Variants in PPP1R12B observed in about 807,000 individuals in gnomAD.
PPP1R12B encodes the protein myosin phosphatase target subunit 2.
In PPP1R12B, 76 loss-of-function variants were observed where a neutral mutation model predicts 126.1. The observed-to-expected ratio is 0.60, with a 90% CI of 0.50 to 0.73. The LOEUF is 0.73. Ranked by LOEUF, PPP1R12B falls within the 30% of genes least tolerant of loss-of-function variation. The pLI, the probability that PPP1R12B is intolerant of heterozygous loss-of-function variation, is 0.00. For missense variants in PPP1R12B, 1,052 were observed against 1,205.1 expected (o/e 0.87, Z 1.88); for synonymous variants, 356 against 434.7 (o/e 0.82, Z 2.25).
intron 10 of PPP1R12B, chr1:202,438,384 C>T (rs558974260): frequency 2.3e-4 from 155 of 686,802 alleles, no homozygotes; most frequent in African/African-American, 2.1e-3. Flanking sequence ...CAATTCCCGT[C>T]CCCCCAGCGG....
At chr1:202,399,126 G>A (rs535229258) in intron 1 of PPP1R12B, among the ~76,000 whole-genome samples, 4 of 152,260 alleles carry the variant, frequency 2.6e-5, no homozygotes, top group African/African-American at 9.6e-5. Flanking sequence ...TACTGGATAT[G>A]CCTGGGGATG....
chr1:202,371,181 A>ATTTTT (rs1214666307), intron 1 of PPP1R12B, among the ~76,000 whole-genome samples: 5 of 110,714 alleles, frequency 4.5e-5, no homozygotes, highest in Admixed American at 9.6e-5. Flanking sequence ...ACACCCAGCT[A>ATTTTT]TTTTTTTTTT....
chr1:202,543,634 G>C (rs1685344939), intron 18 of PPP1R12B, among the ~76,000 whole-genome samples: 1 of 152,134 alleles, frequency 6.6e-6, no homozygotes, highest in Non-Finnish European at 1.5e-5. Context: ...CTTTTCGGGA[G>C]GCTGAAGCAG....
Position 202,449,135 on chromosome 1 carries a change from G to C in PPP1R12B, c.1814G>C (p.Gly605Ala). The part of the protein sequence containing the change: ...VTATPVLSIT[G>A]TDSSVEAREK... ...GCTACTCCTGTGCTCTCCATTACTG[G>C]AACAGATTCCTCTGTGGAAGCCAGG... The change falls in exon 13 of 24, where the codon GGA (glycine) becomes GCA (alanine). Residue 605 changes from glycine (G) to alanine (A), a missense_variant. Gly to Ala is a moderately conservative substitution (Grantham distance 60). Transcript: ENST00000608999. 1.2e-6 allele frequency: 2 copies of C among 1,612,750 alleles called. No individual in the cohort carries two copies. The highest frequency in any genetic ancestry group is 2.2e-5 in the South Asian group (2 of 90,906).
intron 1 of PPP1R12B, among the ~76,000 whole-genome samples, chr1:202,392,172 C>G (rs1186176094): frequency 1.3e-5 from 2 of 151,850 alleles, no homozygotes; most frequent in African/African-American, 4.8e-5. Context: ...GTCCATACAA[C>G]ACTTACACAA....
intron 19 of PPP1R12B, among the ~76,000 whole-genome samples, chr1:202,559,164 C>T (rs1815666): frequency 3.0e-4 from 45 of 152,266 alleles, no homozygotes; most frequent in Middle Eastern, 3.4e-3. Flanking sequence ...AAAGCACCAG[C>T]GTACCAGGCA....
At chr1:202,504,267 C>T (rs548907995) in intron 18 of PPP1R12B, among the ~76,000 whole-genome samples, 1 of 151,986 alleles carries the variant, frequency 6.6e-6, no homozygotes, top group Non-Finnish European at 1.5e-5. Context: ...ATGACGCCCA[C>T]CTGTAATCCC....
chr1:202,377,840 T>TTTG (rs1553268034), intron 1 of PPP1R12B, among the ~76,000 whole-genome samples: 5 of 46,614 alleles, frequency 1.1e-4, no homozygotes, highest in African/African-American at 2.2e-4. Context: ...GTGTTTTTTT[T>TTTG]TTTTTTTTTT....
At chr1:202,520,498 TCTG>T (rs1334733501) in intron 18 of PPP1R12B, among the ~76,000 whole-genome samples, 1 of 152,242 alleles carries the variant, frequency 6.6e-6, no homozygotes, top group East Asian at 1.9e-4. Flanking sequence ...TACAGTAAAG[TCTG>T]CTGCTGTCCC....
intron 13 of PPP1R12B, among the ~76,000 whole-genome samples, chr1:202,463,573 C>T (rs1674590210): frequency 6.6e-6 from 1 of 152,148 alleles, no homozygotes; most frequent in African/African-American, 2.4e-5. Context: ...CAGATTGCAA[C>T]TTGAGTTGGC....
At chr1:202,467,984 G>T (rs1399969835) in intron 13 of PPP1R12B, among the ~76,000 whole-genome samples, 1 of 152,168 alleles carries the variant, frequency 6.6e-6, no homozygotes, top group Non-Finnish European at 1.5e-5. Context: ...GTGATGATGA[G>T]CATTTTTTCA....
intron 1 of PPP1R12B, among the ~76,000 whole-genome samples, chr1:202,399,529 C>T (rs527553898): frequency 2.0e-3 from 295 of 148,850 alleles, no homozygotes; most frequent in African/African-American, 7.0e-3. Flanking sequence ...TGGAGTCTTG[C>T]TCTGTCGCCC....
intron 13 of PPP1R12B, among the ~76,000 whole-genome samples, chr1:202,467,171 T>C (rs1381623380): frequency 7.2e-5 from 11 of 152,004 alleles, no homozygotes; most frequent in East Asian, 3.8e-4. Flanking sequence ...AATCTGAGAA[T>C]GGTCCTGCAA....
At position 202,590,665 on chromosome 1, in the gene PPP1R12B, G is replaced by C. The variant is rs932659791; in HGVS notation, c.*10105G>C. ...AAAATAACAATTTGACAAGAGATCA[G>C]ACAAGAACAAGAGTCCACATAAGGG... On this transcript the variant is annotated 3_prime_UTR_variant, in exon 24 of 24. Transcript: ENST00000608999. The C allele has an allele frequency of 6.6e-6, 1 of 151,068 alleles. No homozygotes were observed. Among genetic ancestry groups the C allele is most frequent in the Non-Finnish European group, 1.5e-5 (1 of 67,920 alleles). 9.4% of individuals were successfully genotyped at this position (151,068 alleles called of 1,614,324 possible). A position where few individuals can be genotyped will look rare whatever the true frequency, so the allele number is the denominator to read the frequency against.
rs1011153072 is a variant in PPP1R12B at position 202,493,373 on chromosome 1, G to A, written c.2145+56G>A. The A allele has an allele frequency of 1.1e-5, 17 of 1,527,820 alleles. No individual in the cohort carries two copies. In the Admixed American group the frequency reaches 3.1e-4, roughly 28 times the overall value. The allele number at this position is 1,527,820 out of a possible 1,614,324, so 94.6% of individuals were successfully genotyped here. ...CTAAAAGCAGGGTAATTAGTTTGGG[G>A]AGTATCTTCTTCACTGGTAGTTCAA... On this transcript the variant is annotated intron_variant, in intron 15 of 23. Transcript: ENST00000608999.
intron 18 of PPP1R12B, among the ~76,000 whole-genome samples, chr1:202,532,349 T>G (rs1269567101): frequency 6.6e-6 from 1 of 152,234 alleles, no homozygotes; most frequent in African/African-American, 2.4e-5. Flanking sequence ...TATCTTGTGC[T>G]GACCTCCTGT....
intron 13 of PPP1R12B, among the ~76,000 whole-genome samples, chr1:202,481,264 C>T (rs776022059): frequency 6.6e-6 from 1 of 152,218 alleles, no homozygotes; most frequent in African/African-American, 2.4e-5. Flanking sequence ...TTTTAGAGTA[C>T]ACATTGTAAC....
chr1:202,386,184 T>G (rs960876818), intron 1 of PPP1R12B, among the ~76,000 whole-genome samples: 7 of 151,978 alleles, frequency 4.6e-5, no homozygotes, highest in Admixed American at 1.3e-4. Flanking sequence ...CCACCCGACC[T>G]CCCAAAGTAC....
intron 1 of PPP1R12B, among the ~76,000 whole-genome samples, chr1:202,385,243 T>C (rs1403154220): frequency 6.6e-6 from 1 of 152,230 alleles, no homozygotes; most frequent in African/African-American, 2.4e-5. Context: ...GAACAATTTA[T>C]GCTTAGACTG....
Sources: gnomAD v4.1 joint callset for allele counts (sites outside exome capture counted in the v4.1 genomes callset) on GRCh38, gnomAD v4.1.1 for gene constraint, MANE v1.5 for transcripts, NCBI Gene and HGNC (gene_info 2026-07-23, HGNC 2026-07-21) for gene names.